Variants in CCSER1 observed in about 807,000 individuals in gnomAD.
CCSER1 encodes the protein serine-rich coiled-coil domain-containing protein 1.
In CCSER1, 41 loss-of-function variants were observed where a neutral mutation model predicts 82.0. The observed-to-expected ratio is 0.50, with a 90% confidence interval of 0.39 to 0.65. CCSER1 has a LOEUF of 0.65. Ranked by LOEUF, CCSER1 falls within the 30% of genes least tolerant of loss-of-function variation. CCSER1 has a pLI of 0.00. For missense variants in CCSER1, 1,119 were observed against 1,064.2 expected (o/e 1.05, Z -0.72); for synonymous variants, 414 against 383.9 (o/e 1.08, Z -0.92).
At chr4:90,952,888 ACT>A (rs1733060274) in intron 9 of CCSER1, among the ~76,000 whole-genome samples, 1 of 152,038 alleles carries the variant, frequency 6.6e-6, no homozygotes, top group South Asian at 2.1e-4. Flanking sequence ...CACCCTTGAG[ACT>A]CACACAGAAA....
chr4:90,128,494 C>CGTGTGT (rs147426828), intron 1 of CCSER1, among the ~76,000 whole-genome samples: 4,311 of 150,042 alleles, frequency 0.029, 99 homozygotes, highest in South Asian at 0.055. Context: ...AGGTTGTGTG[C>CGTGTGT]GTGTGTGTGT....
intron 10 of CCSER1, among the ~76,000 whole-genome samples, chr4:91,479,761 C>CT: frequency 7.8e-6 from 1 of 128,100 alleles, no homozygotes; most frequent in Non-Finnish European, 1.7e-5. Context: ...TTTTATTATA[C>CT]TTTAAGTTTT....
chr4:90,276,306 CCTTT>C (rs1185972525), intron 1 of CCSER1, among the ~76,000 whole-genome samples: 2,034 of 99,988 alleles, frequency 0.02, 61 homozygotes, highest in Admixed American at 0.031. Flanking sequence ...TTCCTTCCTT[CCTTT>C]CTTTCTTTTT....
intron 1 of CCSER1, among the ~76,000 whole-genome samples, chr4:90,248,849 C>T (rs1721887448): frequency 6.6e-6 from 1 of 151,578 alleles, no homozygotes; most frequent in Non-Finnish European, 1.5e-5. Context: ...AGGTGCACGC[C>T]ATCACAGTCA....
intron 8 of CCSER1, among the ~76,000 whole-genome samples, chr4:90,855,175 A>G (rs1319110414): frequency 6.6e-6 from 1 of 152,134 alleles, no homozygotes; most frequent in Non-Finnish European, 1.5e-5. Context: ...TTGGCTGGGG[A>G]CACAGAGACA....
intron 4 of CCSER1, among the ~76,000 whole-genome samples, chr4:90,408,765 G>A (rs900580480): frequency 5.3e-5 from 8 of 152,202 alleles, no homozygotes; most frequent in Non-Finnish European, 7.3e-5. Flanking sequence ...ACCAGCAACG[G>A]AACAAAGCTG....
At chr4:90,876,173 C>A (rs998149019) in intron 8 of CCSER1, among the ~76,000 whole-genome samples, 2 of 151,970 alleles carry the variant, frequency 1.3e-5, no homozygotes, top group African/African-American at 4.8e-5. Flanking sequence ...AATTAGAAGA[C>A]CAGAAAAGCT....
chr4:90,246,446 A>G (rs551205253), intron 1 of CCSER1, among the ~76,000 whole-genome samples: 3 of 152,184 alleles, frequency 2.0e-5, no homozygotes, highest in Non-Finnish European at 4.4e-5. Flanking sequence ...AGATACAAAT[A>G]AAAACACTGT....
chr4:90,261,846 T>C (rs1286001116), intron 1 of CCSER1, among the ~76,000 whole-genome samples: 1 of 152,176 alleles, frequency 6.6e-6, no homozygotes, highest in East Asian at 1.9e-4. Flanking sequence ...GAAAGCTGTG[T>C]CTTCAAGCTT....
At chr4:90,225,931 A>G (rs1743080856) in intron 1 of CCSER1, among the ~76,000 whole-genome samples, 2 of 152,176 alleles carry the variant, frequency 1.3e-5, no homozygotes, top group Admixed American at 1.3e-4. Context: ...GCTTTGACTA[A>G]TAGAATGTGG....
chr4:91,423,304 C>A (rs74740425), intron 10 of CCSER1, among the ~76,000 whole-genome samples: 15,185 of 151,234 alleles, frequency 0.1, 992 homozygotes, highest in Non-Finnish European at 0.14. Context: ...ATGGAAAGTG[C>A]CTGTAATCCC....
chr4:91,247,128 T>C (rs1739855210), intron 10 of CCSER1, among the ~76,000 whole-genome samples: 1 of 151,890 alleles, frequency 6.6e-6, no homozygotes, highest in Admixed American at 6.6e-5. Flanking sequence ...GGTGAAACCC[T>C]GTCTCTATTA....
chr4:90,584,118 ACT>A (rs1292658999), intron 5 of CCSER1, among the ~76,000 whole-genome samples: 1 of 152,032 alleles, frequency 6.6e-6, no homozygotes, highest in African/African-American at 2.4e-5. Flanking sequence ...GATGGCTTTC[ACT>A]CTCTGCAGCT....
At chr4:90,740,544 G>A (rs1746364706) in intron 7 of CCSER1, among the ~76,000 whole-genome samples, 2 of 152,128 alleles carry the variant, frequency 1.3e-5, no homozygotes, top group Non-Finnish European at 2.9e-5. Context: ...ATACTTTCAT[G>A]TTGTCTATTA....
At chr4:91,312,584 GA>G (rs956157699) in intron 10 of CCSER1, among the ~76,000 whole-genome samples, 2 of 151,558 alleles carry the variant, frequency 1.3e-5, no homozygotes, top group Non-Finnish European at 2.9e-5. Flanking sequence ...GTGCCCTCAA[GA>G]AAAAAAGGCA....
chr4:91,471,350 T>A (rs1282435937), intron 10 of CCSER1, among the ~76,000 whole-genome samples: 3 of 152,132 alleles, frequency 2.0e-5, no homozygotes, highest in Non-Finnish European at 4.4e-5. Flanking sequence ...ATGAGTGTAA[T>A]CTACCCAAAT....
chr4:90,435,648 T>A (rs998793082), intron 4 of CCSER1, among the ~76,000 whole-genome samples: 1 of 152,184 alleles, frequency 6.6e-6, no homozygotes, highest in Non-Finnish European at 1.5e-5. Context: ...CATTTAGTGA[T>A]GGCAAATTAA....
rs567416006 is a variant in CCSER1 at position 90,229,199 on chromosome 4, T to A, written c.-41-79045T>A. On this transcript the variant is annotated intron_variant, in intron 1 of 10. Coordinates refer to ENST00000509176, the MANE Select transcript of CCSER1 (RefSeq NM_001145065.2). ...TCATTGAAGTTGAAATGAAGGAAAATATGTTAAGGGCAGCCAGAGAGAAAG... is the reference window on the plus strand; with the variant it reads ...TCATTGAAGTTGAAATGAAGGAAAAAATGTTAAGGGCAGCCAGAGAGAAAG... Among the ~76,000 whole-genome samples, 33 of 151,942 alleles carry A rather than the reference T, an allele frequency of 2.2e-4. 2 individuals are homozygous for A. The South Asian group carries it at 6.6e-3, about 31-fold the overall frequency.
intron 10 of CCSER1, among the ~76,000 whole-genome samples, chr4:91,214,854 C>A (rs1275460706): frequency 1.3e-5 from 2 of 151,938 alleles, no homozygotes; most frequent in Non-Finnish European, 2.9e-5. Flanking sequence ...CAATTAAATC[C>A]TTTTACTTGA....
Sources: allele counts gnomAD v4.1 joint callset (sites outside exome capture counted in the v4.1 genomes callset), GRCh38; gene constraint gnomAD v4.1.1; transcripts MANE v1.5; gene names NCBI Gene and HGNC (gene_info 2026-07-23, HGNC 2026-07-21).